The following LRFN5 variants were observed in gnomAD, a reference collection of about 807,000 sequenced individuals.
The protein encoded by LRFN5 is leucine rich repeat and fibronectin type III domain containing 5, also known as leucine-rich repeat and fibronectin type-III domain-containing protein 5.
Under a neutral mutation model 45.6 loss-of-function variants are expected in LRFN5, and 24 were observed. The observed-to-expected ratio is 0.53, with a 90% CI of 0.38 to 0.74. LRFN5 has a LOEUF of 0.74. Ranked by LOEUF, LRFN5 falls within the 30% of genes least tolerant of loss-of-function variation. LRFN5 has a pLI of 0.00. For synonymous variants in LRFN5, 340 were observed against 313.8 expected, an observed-to-expected ratio of 1.08 and a Z score of -0.88; for missense variants, 776 against 861.5, an observed-to-expected ratio of 0.90 and a Z score of 1.24.
intron 1 of LRFN5, among the ~76,000 whole-genome samples, chr14:41,657,871 A>G (rs1158436258): frequency 6.6e-6 from 1 of 151,928 alleles, no homozygotes; most frequent in Non-Finnish European, 1.5e-5. Context: ...AGAAACTGGA[A>G]TTAGGAATTG....
In LRFN5 at chr14:41,646,596, C is replaced by T. The variant is rs182234030; in HGVS notation, c.-197+38034C>T. Among the ~76,000 whole-genome samples the T allele has an allele frequency of 2.8e-3, 419 of 152,280 alleles. 2 individuals are homozygous for T. The highest frequency in any genetic ancestry group is 9.4e-3 in the African/African-American group (390 of 41,552). On this transcript the variant is annotated intron_variant, in intron 1 of 5. Transcript: ENST00000298119. ...GCCTTGAGAAGATAATATGAAATAT[C>T]TTTCTATTAATTATGCCCTGATAAG... is the stretch of plus-strand genomic sequence containing the variant.
intron 1 of LRFN5, among the ~76,000 whole-genome samples, chr14:41,670,124 C>T (rs1330090095): frequency 8.1e-6 from 1 of 122,850 alleles, no homozygotes. Flanking sequence ...CATATATATA[C>T]ATGTATATAT....
intron 2 of LRFN5, among the ~76,000 whole-genome samples, chr14:41,885,352 AAAAG>A (rs1566504077): frequency 1.3e-5 from 2 of 151,780 alleles, no homozygotes; most frequent in Non-Finnish European, 2.9e-5. Context: ...AAGAAAGAAA[AAAAG>A]AAAACCTGAT....
intron 1 of LRFN5, among the ~76,000 whole-genome samples, chr14:41,670,077 A>G (rs1448979171): frequency 6.8e-6 from 1 of 146,220 alleles, no homozygotes; most frequent in African/African-American, 2.6e-5. Context: ...ATGCACCTAT[A>G]TATACACATA....
chr14:41,653,816 G>T (rs935761944), intron 1 of LRFN5, among the ~76,000 whole-genome samples: 2 of 152,078 alleles, frequency 1.3e-5, no homozygotes, highest in African/African-American at 4.8e-5. Flanking sequence ...AAGCAGAAAA[G>T]GGGAGAAGTC....
chr14:41,782,301 T>G (rs1434774040), intron 2 of LRFN5, among the ~76,000 whole-genome samples: 1 of 152,078 alleles, frequency 6.6e-6, no homozygotes, highest in African/African-American at 2.4e-5. Flanking sequence ...AAGTCTTTCC[T>G]TAGCTTTATC....
chr14:41,631,409 A>G lies in LRFN5; in HGVS notation c.-197+22847A>G, dbSNP rs116126035. 2.5e-3 allele frequency among the ~76,000 whole-genome samples: 387 copies of G among 152,294 alleles called. 2 individuals carry two copies. The highest frequency in any genetic ancestry group is 8.9e-3 in the African/African-American group (370 of 41,568). Reference sequence around the variant, plus strand: ...CTCCTGATTTATTTATTCAACAAGTATGTACCTTCCCAGGCATTAGTCAAG... The same window carrying G: ...CTCCTGATTTATTTATTCAACAAGTGTGTACCTTCCCAGGCATTAGTCAAG... On this transcript the variant is annotated intron_variant, in intron 1 of 5. Coordinates refer to ENST00000298119, the MANE Select transcript of LRFN5 (RefSeq NM_152447.5).
At chr14:41,641,282 A>C (rs1416137309) in intron 1 of LRFN5, among the ~76,000 whole-genome samples, 1 of 152,182 alleles carries the variant, frequency 6.6e-6, no homozygotes, top group African/African-American at 2.4e-5. Flanking sequence ...GTATTAGAGC[A>C]CTCTACAGAA....
intron 1 of LRFN5, among the ~76,000 whole-genome samples, chr14:41,705,516 T>G (rs1231655297): frequency 6.6e-6 from 1 of 152,214 alleles, no homozygotes; most frequent in Non-Finnish European, 1.5e-5. Context: ...TATGCACATA[T>G]ACATAAGCAT....
chr14:41,617,560 C>T (rs900518661), intron 1 of LRFN5, among the ~76,000 whole-genome samples: 2 of 152,046 alleles, frequency 1.3e-5, no homozygotes, highest in African/African-American at 4.8e-5. Flanking sequence ...TTTAGTTTCT[C>T]ATGTGCTTTT....
intron 1 of LRFN5, among the ~76,000 whole-genome samples, chr14:41,726,535 G>A (rs73305595): frequency 0.045 from 6,810 of 152,138 alleles, 338 homozygotes; most frequent in African/African-American, 0.12. Flanking sequence ...TGCTGAAACT[G>A]AAGACCAATG....
chr14:41,806,454 G>A (rs74045432), intron 2 of LRFN5, among the ~76,000 whole-genome samples: 1,828 of 152,300 alleles, frequency 0.012, 34 homozygotes, highest in African/African-American at 0.041. Flanking sequence ...AGTTTTGTTT[G>A]CTAGAGTAAG....
chr14:41,656,715 CTGGAACATAGAAGTCAT>C (rs1222239587), intron 1 of LRFN5, among the ~76,000 whole-genome samples: 9 of 151,842 alleles, frequency 5.9e-5, no homozygotes, highest in African/African-American at 2.2e-4. Context: ...CCCATAATTA[CTGGAACATAGAAGTCAT>C]TTCCTTTATA....
intron 2 of LRFN5, among the ~76,000 whole-genome samples, chr14:41,833,680 A>G (rs1426941544): frequency 6.6e-6 from 1 of 152,150 alleles, no homozygotes; most frequent in Non-Finnish European, 1.5e-5. Context: ...GGATGTGTGT[A>G]TTCAGTATTG....
intron 5 of LRFN5, among the ~76,000 whole-genome samples, chr14:41,903,042 TACAC>T (rs552451560): frequency 4.3e-4 from 66 of 151,806 alleles, no homozygotes; most frequent in South Asian, 2.7e-3. Flanking sequence ...ACAAATAAGA[TACAC>T]ACTGGTCCCT....
At chr14:41,810,996 T>C (rs1167581005) in intron 2 of LRFN5, among the ~76,000 whole-genome samples, 1 of 152,030 alleles carries the variant, frequency 6.6e-6, no homozygotes, top group African/African-American at 2.4e-5. Flanking sequence ...TAGTTTAAAA[T>C]ACAGAATTAT....
chr14:41,737,303 C>T (rs373956385), intron 1 of LRFN5, among the ~76,000 whole-genome samples: 6 of 152,078 alleles, frequency 3.9e-5, no homozygotes, highest in Admixed American at 1.3e-4. Context: ...ATTTAACACC[C>T]CTTTATGCTA....
At chr14:41,792,859 T>G (rs1454199028) in intron 2 of LRFN5, among the ~76,000 whole-genome samples, 2 of 152,028 alleles carry the variant, frequency 1.3e-5, no homozygotes, top group Admixed American at 6.6e-5. Flanking sequence ...GATTAAGAGA[T>G]TAAAGACAGG....
At chr14:41,612,726 GT>G (rs568080847) in intron 1 of LRFN5, among the ~76,000 whole-genome samples, 156 of 152,116 alleles carry the variant, frequency 1.0e-3, no homozygotes, top group African/African-American at 3.6e-3. Flanking sequence ...TCATTACATG[GT>G]ATGTGCATGG....
Sources: allele counts gnomAD v4.1 joint callset (sites outside exome capture counted in the v4.1 genomes callset), GRCh38; gene constraint gnomAD v4.1.1; transcripts MANE v1.5; gene names NCBI Gene and HGNC (gene_info 2026-07-23, HGNC 2026-07-21).